Variants in PKHD1 observed in about 807,000 individuals in gnomAD.
The protein encoded by PKHD1 is PKHD1 ciliary IPT domain containing fibrocystin/polyductin, also known as fibrocystin.
A neutral mutation model predicts 412.0 loss-of-function variants in PKHD1; 291 were observed. The ratio of observed to expected loss-of-function variants is 0.71; its 90% CI spans 0.64 to 0.78. PKHD1 has a LOEUF of 0.78. PKHD1 is among the 30% of genes least tolerant of loss of function. PKHD1 has a pLI of 0.00. For missense variants in PKHD1, 4,825 were observed against 4,950.7 expected, an observed-to-expected ratio of 0.97 and a Z score of 0.76; for synonymous variants, 1,777 against 1,821.5, an observed-to-expected ratio of 0.98 and a Z score of 0.62.
chr6:51,664,553 G>C (rs1171421083), intron 60 of PKHD1, among the ~76,000 whole-genome samples: 1 of 152,174 alleles, frequency 6.6e-6, no homozygotes, highest in Non-Finnish European at 1.5e-5. Context: ...CTAGATTGTG[G>C]TAAGGAATTG....
rs750492170 is a variant in PKHD1 at position 52,035,691 on chromosome 6, C to T, written c.3128G>A (p.Ser1043Asn). ...TAATATCAGGCTAACACCTTCCAAA[C>T]TAGAGCCTCGGATGGTGGCCCAGAG... ...GGLWATIRGSSLEGVSLILFG... is the reference protein window; with the variant it reads ...GGLWATIRGSNLEGVSLILFG... Residue 1043 changes from serine to asparagine, a missense_variant, in exon 28 of 67, where the codon AGT becomes AAT. Coordinates refer to ENST00000371117, the MANE Select transcript of PKHD1 (RefSeq NM_138694.4). 1 of 1,613,950 alleles carries T rather than the reference C, an allele frequency of 6.2e-7. No individual in the cohort carries two copies. The highest frequency in any genetic ancestry group is 8.5e-7 in the Non-Finnish European group (1 of 1,179,858).
chr6:51,921,115 T>A lies in PKHD1; in HGVS notation c.6122-8539A>T, dbSNP rs1356582898. 3.3e-5 allele frequency among the ~76,000 whole-genome samples: 5 copies of A among 152,220 alleles called. No individual in the cohort carries two copies. In the East Asian group the frequency reaches 7.7e-4, roughly 23 times the overall value. On this transcript the variant is annotated intron_variant, in intron 37 of 66. Transcript: ENST00000371117. The stretch of plus-strand genomic sequence containing the variant: ...TTTTTTGAAGGGTTTTTTGTGTCTC[T>A]ATCTCCTTCAGTTTTCCTCTGATCT...
intron 55 of PKHD1, among the ~76,000 whole-genome samples, chr6:51,755,727 C>T (rs1786879420): frequency 6.6e-6 from 1 of 152,142 alleles, no homozygotes; most frequent in South Asian, 2.1e-4. Flanking sequence ...CAAAGTTTAG[C>T]AAGCTTTGAT....
chr6:51,833,865 C>A (rs1450252276), intron 51 of PKHD1, among the ~76,000 whole-genome samples: 1 of 149,934 alleles, frequency 6.7e-6, no homozygotes, highest in Admixed American at 6.7e-5. Context: ...TTTGATCTGT[C>A]TTCTGAAGCT....
intron 5 of PKHD1, 115 bp downstream of exon 5, chr6:52,079,785 A>G: frequency 1.3e-6 from 1 of 772,414 alleles, no homozygotes; most frequent in Non-Finnish European, 2.4e-6. Context: ...ACCATCCACC[A>G]TTTTCTTTTA....
At chr6:51,691,902 GCTACTACCCAAT>G (rs1778203701) in intron 60 of PKHD1, among the ~76,000 whole-genome samples, 1 of 152,130 alleles carries the variant, frequency 6.6e-6, no homozygotes. Flanking sequence ...AGATCACCAA[GCTACTACCCAAT>G]CTAATGGCAA....
At chr6:51,684,802 GA>G (rs1177959595) in intron 60 of PKHD1, among the ~76,000 whole-genome samples, 4 of 152,128 alleles carry the variant, frequency 2.6e-5, no homozygotes, top group Non-Finnish European at 4.4e-5. Context: ...TGACCTTTGA[GA>G]AAAGTTTGGC....
rs192750283 is a variant in PKHD1, at chr6:52,075,169, C to G, written c.448+1107G>C. ...TTCAGACAAATGGAAAGGAGCAGAT[C>G]TGTGAAAAACCCACATGAGCAAGAG... On this transcript the variant is annotated intron_variant, in intron 6 of 66. Transcript: ENST00000371117. 9.2e-5 allele frequency among the ~76,000 whole-genome samples: 14 copies of G among 152,330 alleles called. No homozygotes were observed. The East Asian group carries it at 2.3e-3, about 25-fold the overall frequency.
intron 6 of PKHD1, among the ~76,000 whole-genome samples, chr6:52,074,976 C>A (rs1436641811): frequency 2.6e-5 from 4 of 152,206 alleles, no homozygotes; most frequent in African/African-American, 9.7e-5. Flanking sequence ...CGCCAGCTGA[C>A]ATTCCATTTC....
chr6:51,664,192 T>C (rs1432211656), intron 60 of PKHD1, among the ~76,000 whole-genome samples: 1 of 152,168 alleles, frequency 6.6e-6, no homozygotes, highest in Non-Finnish European at 1.5e-5. Context: ...AGCCAGTCTG[T>C]CATAAAGGCT....
chr6:52,061,097 C>T (rs1366860743), intron 14 of PKHD1, among the ~76,000 whole-genome samples: 4 of 152,234 alleles, frequency 2.6e-5, no homozygotes, highest in South Asian at 2.1e-4. Context: ...GAAAGATTTT[C>T]CTTTGAACAT....
chr6:51,835,760 C>T (rs9463730), intron 51 of PKHD1, among the ~76,000 whole-genome samples: 67,371 of 152,062 alleles, frequency 0.44, 16,034 homozygotes, highest in Middle Eastern at 0.61. Context: ...TTAATTTAAA[C>T]AGAGGAATTA....
chr6:52,016,535 C>T (rs1800557267), intron 34 of PKHD1, among the ~76,000 whole-genome samples: 1 of 150,238 alleles, frequency 6.7e-6, no homozygotes. Flanking sequence ...ACTGGGGAGG[C>T]TGAGGCATGA....
At chr6:51,823,586 T>TG (rs1766817905) in intron 52 of PKHD1, among the ~76,000 whole-genome samples, 1 of 152,064 alleles carries the variant, frequency 6.6e-6, no homozygotes, top group Non-Finnish European at 1.5e-5. Flanking sequence ...CAGAAACAAA[T>TG]GCCATGACTG....
At chr6:52,056,303 C>T (rs1036600200) in intron 18 of PKHD1, among the ~76,000 whole-genome samples, 2 of 151,992 alleles carry the variant, frequency 1.3e-5, no homozygotes, top group Admixed American at 6.6e-5. Flanking sequence ...AAAAACATAC[C>T]CTAACATTTT....
At chr6:51,797,136 A>G (rs893226773) in intron 52 of PKHD1, among the ~76,000 whole-genome samples, 1 of 152,078 alleles carries the variant, frequency 6.6e-6, no homozygotes, top group Non-Finnish European at 1.5e-5. Context: ...CTTAATCTTA[A>G]GTTCTAATTT....
chr6:51,817,334 G>GAA (rs56130101), intron 52 of PKHD1, among the ~76,000 whole-genome samples: 21,944 of 151,206 alleles, frequency 0.15, 2,085 homozygotes, highest in Non-Finnish European at 0.21. Flanking sequence ...GATTTAGTAA[G>GAA]AAAAAAAAAT....
intron 60 of PKHD1, among the ~76,000 whole-genome samples, chr6:51,674,012 A>G (rs1218653293): frequency 1.3e-5 from 2 of 152,210 alleles, no homozygotes; most frequent in Non-Finnish European, 2.9e-5. Flanking sequence ...GAGATGGTAG[A>G]TAGAGAGTGG....
intron 60 of PKHD1, among the ~76,000 whole-genome samples, chr6:51,691,754 A>G (rs1778182531): frequency 2.6e-5 from 4 of 152,126 alleles, no homozygotes; most frequent in African/African-American, 9.7e-5. Flanking sequence ...ACAAACCCCC[A>G]TGACATAAGT....
Sources: gnomAD v4.1 joint callset for allele counts (sites outside exome capture counted in the v4.1 genomes callset) on GRCh38, gnomAD v4.1.1 for gene constraint, MANE v1.5 for transcripts, NCBI Gene and HGNC (gene_info 2026-07-23, HGNC 2026-07-21) for gene names.